Variants in CAMSAP1 observed in about 807,000 individuals in gnomAD.
CAMSAP1 encodes calmodulin-regulated spectrin-associated protein 1.
CAMSAP1 carries 58 observed loss-of-function variants against 143.5 expected under a neutral mutation model. The observed-to-expected ratio is 0.40, with a 90% confidence interval of 0.33 to 0.50. The LOEUF (loss-of-function observed/expected upper bound fraction) is 0.50, where lower values mean the gene tolerates loss of function less well. Among genes scored for constraint, CAMSAP1 ranks in the 20% least tolerant of loss-of-function variants. The probability of loss-of-function intolerance (pLI) is 0.45; values close to 1 mark genes in which losing one functional copy is unlikely to be tolerated. For synonymous variants in CAMSAP1, 945 were observed against 859.3 expected, an observed-to-expected ratio of 1.10 and a Z score of -1.74; for missense variants, 1,969 against 2,115.7, an observed-to-expected ratio of 0.93 and a Z score of 1.36.
Position 135,882,893 on chromosome 9 carries a change from G to A in CAMSAP1, c.346C>T (p.Arg116Trp), listed in dbSNP as rs578260130. ...GHQSVIQALS[R>W]KGIYVMESDD... ...CTCTCCATCACATAGATCCCTTTCCGGGACAGGGCCTGGATGACAGACTGG... is the reference window on the plus strand; with the variant it reads ...CTCTCCATCACATAGATCCCTTTCCAGGACAGGGCCTGGATGACAGACTGG... The change falls in exon 2 of 17, where the codon CGG becomes TGG. Residue 116 changes from arginine to tryptophan, a missense_variant. Coordinates refer to ENST00000389532, the MANE Select transcript of CAMSAP1 (RefSeq NM_015447.4). This position sits in a 1 kb window ranked among gnomAD's most constrained non-coding sequence, Gnocchi z 4.9. 22 of 1,551,658 alleles carry A rather than the reference G, an allele frequency of 1.4e-5. No individual in the cohort carries two copies. The East Asian group carries it at 1.7e-4, about 12-fold the overall frequency.
At position 135,821,790 on chromosome 9, in the gene CAMSAP1, A is replaced by G; in HGVS notation, c.2871T>C (p.Phe957=). The change falls in exon 11 of 17, where the codon TTT becomes TTC. Residue 957 remains phenylalanine, a synonymous_variant. Transcript: ENST00000389532. The surrounding 1 kb of genome is among the most constrained non-coding windows in gnomAD (Gnocchi z 4.6). ...CCTCTCTCTGCTCCTCCTTCACGAG[A>G]AAGTCTTCGGTTTTGGAAACAGCGT... ...CGDAVSKTED[F]LVKEEQREEL... is the part of the protein sequence containing the mutation. 6.2e-7 allele frequency: 1 copy of G among 1,613,848 alleles called. No individual in the cohort carries two copies. The highest frequency in any genetic ancestry group is 8.5e-7 in the Non-Finnish European group (1 of 1,179,868).
chr9:135,900,371 G>C (rs1206248020), intron 1 of CAMSAP1, among the ~76,000 whole-genome samples: 1 of 151,950 alleles, frequency 6.6e-6, no homozygotes, highest in Non-Finnish European at 1.5e-5. Flanking sequence ...GTGATGGGAC[G>C]AGAGTGACTG....
chr9:135,897,730 A>C (rs1373543336), intron 1 of CAMSAP1, among the ~76,000 whole-genome samples: 2 of 152,216 alleles, frequency 1.3e-5, no homozygotes, highest in Admixed American at 1.3e-4. Flanking sequence ...CATGCTGGAC[A>C]AAGGGATAAG....
intron 1 of CAMSAP1, among the ~76,000 whole-genome samples, chr9:135,899,104 A>G (rs1020279613): frequency 6.6e-6 from 1 of 152,244 alleles, no homozygotes; most frequent in Non-Finnish European, 1.5e-5. Context: ...CTCATCTACA[A>G]TAACAGAGCA....
At position 135,850,476 on chromosome 9, in the gene CAMSAP1, G is replaced by A; in HGVS notation, c.809-15C>T. 1 of 1,540,830 alleles carries A rather than the reference G, an allele frequency of 6.5e-7. No individual in the cohort carries two copies. The highest frequency in any genetic ancestry group is 8.7e-7 in the Non-Finnish European group (1 of 1,148,650). On this transcript the variant is annotated splice_polypyrimidine_tract_variant and intron_variant, in intron 5 of 16. Transcript: ENST00000389532. ...TAAGCATATATCTAATAGACAAAAAGAAAATCACAATTTATTGTAAAGGTA... is the reference window on the plus strand; with the variant it reads ...TAAGCATATATCTAATAGACAAAAAAAAAATCACAATTTATTGTAAAGGTA...
intron 7 of CAMSAP1, 105 bp from the exon 8 acceptor site, chr9:135,827,689 C>CA: frequency 9.1e-7 from 1 of 1,099,052 alleles, no homozygotes; most frequent in Non-Finnish European, 1.2e-6. Context: ...TTATTGAAAC[C>CA]AAACTTCTGC....
intron 3 of CAMSAP1, among the ~76,000 whole-genome samples, chr9:135,868,512 G>T (rs1366154315): frequency 6.7e-6 from 1 of 149,844 alleles, no homozygotes; most frequent in Non-Finnish European, 1.5e-5. Context: ...AATAAAATTT[G>T]AATTTCAGAA....
chr9:135,880,520 G>T (rs1471223555), intron 3 of CAMSAP1, among the ~76,000 whole-genome samples: 1 of 152,134 alleles, frequency 6.6e-6, no homozygotes, highest in East Asian at 1.9e-4. Flanking sequence ...CCAAGCTTGG[G>T]TAGGAAAACA....
chr9:135,899,367 T>C (rs1212428236), intron 1 of CAMSAP1, among the ~76,000 whole-genome samples: 1 of 149,808 alleles, frequency 6.7e-6, no homozygotes, highest in Non-Finnish European at 1.5e-5. Context: ...GACAGGAGGA[T>C]CTCTTGAGCC....
chr9:135,819,205 C>T (rs552729440), intron 11 of CAMSAP1, 59 bp from the exon 12 acceptor site: 339 of 1,534,608 alleles, frequency 2.2e-4, no homozygotes, highest in Non-Finnish European at 2.9e-4. Context: ...CGGACACGGC[C>T]GCACTCGACC....
In CAMSAP1 at chr9:135,822,601, C is replaced by T. The variant is rs1380988866; in HGVS notation, c.2060G>A (p.Gly687Glu). ...TGGTCCCTGGGGGAACGGATCGAAT[C>T]CGCCAAGGGCCAGAGGCCCACCACA... is the stretch of plus-strand genomic sequence containing the variant. ...EVCGGPLALGGFDPFPQGPST... is the reference protein window; with the variant it reads ...EVCGGPLALGEFDPFPQGPST... The change falls in exon 11 of 17, where the codon GGA (glycine) becomes GAA (glutamate). Residue 687 changes from glycine (G) to glutamate (E), a missense_variant. By Grantham distance (98) the Gly-to-Glu change is moderately conservative. Around this residue, in one of 4 missense-constraint regions of CAMSAP1, gnomAD observed 1,390 missense variants for 1,420.8 expected, o/e 0.98. Transcript: ENST00000389532. The surrounding 1 kb of genome is among the most constrained non-coding windows in gnomAD (Gnocchi z 6.1). 2 of 1,613,456 alleles carry T rather than the reference C, an allele frequency of 1.2e-6. No homozygotes were observed. The highest frequency in any genetic ancestry group is 8.5e-7 in the Non-Finnish European group (1 of 1,179,744).
chr9:135,832,287 C>T (rs1361280112), intron 7 of CAMSAP1, among the ~76,000 whole-genome samples: 4 of 151,680 alleles, frequency 2.6e-5, no homozygotes, highest in Non-Finnish European at 4.4e-5. Flanking sequence ...ATGCAGAACA[C>T]ATTAACAGAA....
chr9:135,811,527 G>T lies in CAMSAP1; in HGVS notation c.4591C>A (p.Pro1531Thr). 1 of 1,607,810 alleles carries T rather than the reference G, an allele frequency of 6.2e-7. No individual in the cohort carries two copies. Among genetic ancestry groups the T allele is most frequent in the Non-Finnish European group, 8.5e-7 (1 of 1,176,830 alleles). ...AGTTTGTAGATTTCCTCAGTATCAGGATAGTAGCAGTAAAGCGCCCTGAAC... is the reference window on the plus strand; with the variant it reads ...AGTTTGTAGATTTCCTCAGTATCAGTATAGTAGCAGTAAAGCGCCCTGAAC... Reference protein sequence around the residue: ...CQFRALYCYYPDTEEIYKLTG... With the variant: ...CQFRALYCYYTDTEEIYKLTG... Residue 1531 changes from proline (P) to threonine (T), a missense_variant, in exon 17 of 17, where the codon CCT becomes ACT. Physicochemically the swap from Pro to Thr is conservative, Grantham distance 38 (BLOSUM62 -1). This residue lies in a region of CAMSAP1 where 143 missense variants were observed against 200.6 expected (regional missense o/e 0.71). Transcript: ENST00000389532. This position sits in a 1 kb window ranked among gnomAD's most constrained non-coding sequence, Gnocchi z 4.9.
intron 7 of CAMSAP1, among the ~76,000 whole-genome samples, chr9:135,848,519 A>G (rs1030039075): frequency 2.0e-5 from 3 of 151,068 alleles, no homozygotes; most frequent in Non-Finnish European, 1.5e-5. Context: ...ACACACACAC[A>G]CACGCTCACA....
Position 135,824,674 on chromosome 9 carries a change from C to T in CAMSAP1, c.1315+115G>A. On this transcript the variant is annotated intron_variant, in intron 9 of 16. Transcript: ENST00000389532. This position sits in a 1 kb window ranked among gnomAD's most constrained non-coding sequence, Gnocchi z 4.1. ...GCAAGACTCCATCTCAAAAAACAAA[C>T]AAACAAACAAAAAAATCACTACATC... The T allele has an allele frequency of 1.2e-6, 1 of 856,704 alleles. No homozygotes were observed. The allele number at this position is 856,704 out of a possible 1,614,324, so 53.1% of individuals were successfully genotyped here.
rs998293752 is a variant in CAMSAP1 at position 135,815,268 on chromosome 9, C to A, written c.4388-53G>T. Reference sequence around the variant, plus strand: ...ATTATTATTTTAAGGCACGAACACACACAAAAAAGAAAACCAGCAATGTCT... The same window carrying A: ...ATTATTATTTTAAGGCACGAACACAAACAAAAAAGAAAACCAGCAATGTCT... On this transcript the variant is annotated intron_variant, in intron 15 of 16. Transcript: ENST00000389532. The A allele has an allele frequency of 5.7e-6, 7 of 1,217,672 alleles. No homozygotes were observed. The African/African-American group carries it at 6.2e-5, about 11-fold the overall frequency. 75.4% of individuals were successfully genotyped at this position (1,217,672 alleles called of 1,614,324 possible).
At position 135,824,043 on chromosome 9, in the gene CAMSAP1, C is replaced by T. The variant is rs370598536; in HGVS notation, c.1316-9G>A. 218 of 1,570,542 alleles carry T rather than the reference C, an allele frequency of 1.4e-4. No individual in the cohort carries two copies. The African/African-American group carries it at 2.4e-3, about 17-fold the overall frequency. The stretch of plus-strand genomic sequence containing the variant: ...CGATCGATGTCGCTGATCTGCAGTA[C>T]AGAGGAATTAGATAGTGTTAAGTAA... On this transcript the variant is annotated splice_polypyrimidine_tract_variant and intron_variant, in intron 9 of 16. Coordinates refer to ENST00000389532, the MANE Select transcript of CAMSAP1 (RefSeq NM_015447.4). The surrounding 1 kb of genome is among the most constrained non-coding windows in gnomAD (Gnocchi z 4.1).
At chr9:135,875,610 G>A (rs1048192128) in intron 3 of CAMSAP1, among the ~76,000 whole-genome samples, 2 of 152,174 alleles carry the variant, frequency 1.3e-5, no homozygotes, top group South Asian at 4.1e-4. Context: ...CGGTGGAACC[G>A]AATAGAATCC....
chr9:135,849,950 G>A (rs1432064096), intron 7 of CAMSAP1, 187 bp downstream of exon 7: 3 of 480,274 alleles, frequency 6.2e-6, no homozygotes, highest in Non-Finnish European at 7.3e-6. Context: ...ATTCGTAACC[G>A]AATAGTTCAT....
Sources: allele counts gnomAD v4.1 joint callset (sites outside exome capture counted in the v4.1 genomes callset), GRCh38; gene constraint gnomAD v4.1.1; regional missense constraint gnomAD v4.1.1; non-coding constraint Gnocchi (gnomAD v3.1); transcripts MANE v1.5; gene names NCBI Gene and HGNC (gene_info 2026-07-23, HGNC 2026-07-21).